Variants in ZNF44 observed in about 807,000 individuals in gnomAD.
The protein encoded by ZNF44 is zinc finger protein 44, also known as gonadotropin inducible transcription repressor-2.
Under a neutral mutation model 11.7 loss-of-function variants are expected in ZNF44, and 9 were observed. The observed-to-expected ratio is 0.77, with a 90% CI of 0.46 to 1.35. The LOEUF (loss-of-function observed/expected upper bound fraction) is 1.35. Among genes scored for constraint, ZNF44 ranks in the 40% most tolerant of loss-of-function variants. The pLI, the probability that ZNF44 is intolerant of heterozygous loss-of-function variation, is 0.00. For missense variants in ZNF44, 696 were observed against 743.1 expected (o/e 0.94, Z 0.74); for synonymous variants, 224 against 242.7 (o/e 0.92, Z 0.72).
chr19:12,231,314 T>C (rs142162181), intron 2 of ZNF44, among the ~76,000 whole-genome samples: 6 of 151,982 alleles, frequency 3.9e-5, no homozygotes, highest in Admixed American at 3.9e-4. Flanking sequence ...AGGTGGTGGA[T>C]CCATGCCAGG....
rs571105890 is a variant in ZNF44, at chr19:12,272,777, C to T, written c.1478G>A (p.Arg493His). 1.3e-5 allele frequency: 21 copies of T among 1,613,708 alleles called. No homozygotes were observed. Among genetic ancestry groups the T allele is most frequent in the South Asian group, 1.1e-4 (10 of 91,062 alleles). ...TTCTTCACTGTGAGTCCTTTCATGG[C>T]GACAAAAGTATTTAAAAGAACTAAA... ...KAFSSFKYFC[R>H]HERTHSEEKS... The change falls in exon 4 of 4, where the codon CGC (arginine) becomes CAC (histidine). Residue 493 changes from arginine to histidine, a missense_variant. Transcript: ENST00000355684.
At position 12,276,197 on chromosome 19, in the gene ZNF44, C is replaced by T. The variant is rs747988883; in HGVS notation, c.4-115G>A. 1.1e-4 allele frequency: 167 copies of T among 1,460,326 alleles called. 4 individuals carry two copies. In the South Asian group the frequency reaches 1.6e-3, roughly 14 times the overall value. 90.5% of individuals were successfully genotyped at this position (1,460,326 alleles called of 1,614,324 possible). A position where few individuals can be genotyped will look rare whatever the true frequency, so the allele number is the denominator to read the frequency against. On this transcript the variant is annotated intron_variant, in intron 1 of 3. Transcript: ENST00000355684. Reference sequence around the variant, plus strand: ...TGGTTTCCAAGCATTTATTCAATGACGTGGTAAATCCACTCTTATTCTGTG... The same window carrying T: ...TGGTTTCCAAGCATTTATTCAATGATGTGGTAAATCCACTCTTATTCTGTG...
intron 5 of ZNF44, among the ~76,000 whole-genome samples, chr19:12,266,526 A>G (rs1182347363): frequency 6.6e-6 from 1 of 152,064 alleles, no homozygotes; most frequent in African/African-American, 2.4e-5. Flanking sequence ...CCCTAATTGG[A>G]TAGTGCCCTA....
At chr19:12,231,950 C>CA (rs1429202409) in intron 2 of ZNF44, among the ~76,000 whole-genome samples, 1 of 152,176 alleles carries the variant, frequency 6.6e-6, no homozygotes, top group Non-Finnish European at 1.5e-5. Flanking sequence ...CCCAGGGAAC[C>CA]AGAGTTCAGC....
chr19:12,247,503 T>C (rs776576471), downstream of ZNF44: 1 of 1,347,392 alleles, frequency 7.4e-7, no homozygotes, highest in Admixed American at 2.0e-5. Flanking sequence ...ACTGAAGGCT[T>C]TACCACACTG....
chr19:12,269,646 G>T (rs1283236055), downstream of ZNF44, among the ~76,000 whole-genome samples: 1 of 152,218 alleles, frequency 6.6e-6, no homozygotes, highest in East Asian at 1.9e-4. Context: ...TACAGATGTT[G>T]TGTCACCACA....
Position 12,294,809 on chromosome 19 carries a change from C to T in ZNF44, c.-115G>A. On this transcript the variant is annotated 5_prime_UTR_variant, in exon 1 of 4. Transcript: ENST00000355684. Reference sequence around the variant, plus strand: ...CGTCTCTCAGTGACAGAATACGGAACAGAGGTCACCAGGGTGAAGAGGCCA... The same window carrying T: ...CGTCTCTCAGTGACAGAATACGGAATAGAGGTCACCAGGGTGAAGAGGCCA... The T allele has an allele frequency of 7.9e-7, 1 of 1,261,138 alleles. No homozygotes were observed. Among genetic ancestry groups the T allele is most frequent in the Non-Finnish European group, 1.1e-6 (1 of 934,338 alleles). 78.1% of individuals were successfully genotyped at this position (1,261,138 alleles called of 1,614,324 possible). A position where few individuals can be genotyped will look rare whatever the true frequency, so the allele number is the denominator to read the frequency against.
intron 5 of ZNF44, among the ~76,000 whole-genome samples, chr19:12,258,148 AT>A (rs1469610136): frequency 8.0e-6 from 1 of 125,130 alleles, no homozygotes. Flanking sequence ...ACATAGTGAG[AT>A]CTCATCTCTA....
At chr19:12,232,372 ACGGGTGT>A (rs1916199868) in intron 2 of ZNF44, among the ~76,000 whole-genome samples, 1 of 152,126 alleles carries the variant, frequency 6.6e-6, no homozygotes, top group Non-Finnish European at 1.5e-5. Flanking sequence ...CAGACCCTTT[ACGGGTGT>A]CGGGCTGGGG....
At chr19:12,251,919 C>T (rs1000355408) in intron 5 of ZNF44, among the ~76,000 whole-genome samples, 1 of 151,760 alleles carries the variant, frequency 6.6e-6, no homozygotes, top group Non-Finnish European at 1.5e-5. Context: ...GGTGTGGTAG[C>T]ACATGCCTGT....
At chr19:12,231,578 G>C (rs1331727543) in intron 2 of ZNF44, among the ~76,000 whole-genome samples, 9 of 152,190 alleles carry the variant, frequency 5.9e-5, no homozygotes, top group Non-Finnish European at 1.3e-4. Flanking sequence ...CCTTGATGCA[G>C]TGGAAATGGG....
chr19:12,284,190 G>GAA, intron 1 of ZNF44: 1 of 236,514 alleles, frequency 4.2e-6, no homozygotes, highest in East Asian at 9.7e-5. Context: ...TTTCACAGAT[G>GAA]AAAGCCCACA....
downstream of ZNF44, among the ~76,000 whole-genome samples, chr19:12,268,822 C>T (rs921884199): frequency 6.6e-6 from 1 of 151,828 alleles, no homozygotes; most frequent in African/African-American, 2.4e-5. Flanking sequence ...TGGCTCACTC[C>T]AATCTCACCC....
chr19:12,277,193 G>T (rs541934344), intron 1 of ZNF44, among the ~76,000 whole-genome samples: 1 of 152,038 alleles, frequency 6.6e-6, no homozygotes, highest in African/African-American at 2.4e-5. Flanking sequence ...CTTACTTGGG[G>T]GATTTAGCCT....
At position 12,273,204 on chromosome 19, in the gene ZNF44, A is replaced by G. The variant is rs537965019; in HGVS notation, c.1051T>C (p.Ser351Pro). 3.1e-6 allele frequency: 5 copies of G among 1,613,922 alleles called. No homozygotes were observed. In the South Asian group the frequency reaches 5.5e-5, roughly 18 times the overall value. Reference protein sequence around the residue: ...ICGKGFDFPGSARIHEGTHTL... With the variant: ...ICGKGFDFPGPARIHEGTHTL... ...TGAGTTCCTTCATGAATTCGTGCTG[A>G]ACCAGGAAAATCAAAGCCTTTCCCA... Residue 351 changes from serine to proline, a missense_variant, in exon 4 of 4, where the codon TCA (serine) becomes CCA (proline). Transcript: ENST00000355684.
chr19:12,233,593 G>A (rs1246720599), intron 2 of ZNF44, among the ~76,000 whole-genome samples: 1 of 147,164 alleles, frequency 6.8e-6, no homozygotes, highest in East Asian at 2.0e-4. Flanking sequence ...GAAACTGCCT[G>A]TGAGAACAGA....
At chr19:12,287,518 A>C (rs1297975138) in intron 1 of ZNF44, among the ~76,000 whole-genome samples, 1 of 152,134 alleles carries the variant, frequency 6.6e-6, no homozygotes, top group African/African-American at 2.4e-5. Context: ...CTGTCCCTGT[A>C]CACATTCTTT....
At chr19:12,246,928 G>A (rs1253271071), downstream of ZNF44, among the ~76,000 whole-genome samples, 1 of 150,824 alleles carries the variant, frequency 6.6e-6, no homozygotes, top group Non-Finnish European at 1.5e-5. Context: ...GCACTTTGCT[G>A]GGCTGAGGTG....
chr19:12,292,631 G>A (rs1318937629), intron 1 of ZNF44, among the ~76,000 whole-genome samples: 1 of 152,022 alleles, frequency 6.6e-6, no homozygotes, highest in Non-Finnish European at 1.5e-5. Context: ...ACATTCCTAG[G>A]AGACACTGCC....
Sources: gnomAD v4.1 joint callset for allele counts (sites outside exome capture counted in the v4.1 genomes callset) on GRCh38, gnomAD v4.1.1 for gene constraint, MANE v1.5 for transcripts, NCBI Gene and HGNC (gene_info 2026-07-23, HGNC 2026-07-21) for gene names.